Variants in CDH23 observed in about 807,000 individuals in gnomAD.
CDH23 encodes the protein cadherin related 23, also known as cadherin-23.
In CDH23, 189 loss-of-function variants were observed where a neutral mutation model predicts 317.1. The observed-to-expected ratio is 0.60, with a 90% confidence interval of 0.53 to 0.67. The LOEUF is 0.67. Ranked by LOEUF, CDH23 falls within the 30% of genes least tolerant of loss-of-function variation. The pLI, the probability that CDH23 is intolerant of heterozygous loss-of-function variation, is 0.00. For synonymous variants in CDH23, 1,839 were observed against 1,876.8 expected, an observed-to-expected ratio of 0.98 and a Z score of 0.52; for missense variants, 4,401 against 4,592.4, an observed-to-expected ratio of 0.96 and a Z score of 1.20.
At chr10:71,768,058 T>A (rs1021054498) in intron 38 of CDH23, among the ~76,000 whole-genome samples, 6 of 152,230 alleles carry the variant, frequency 3.9e-5, no homozygotes, top group Non-Finnish European at 5.9e-5. Context: ...ACCCTCACGC[T>A]TCTATGCTGT....
chr10:71,806,725 C>T (rs1589434533), intron 57 of CDH23, among the ~76,000 whole-genome samples: 2 of 152,052 alleles, frequency 1.3e-5, no homozygotes, highest in Non-Finnish European at 2.9e-5. Context: ...TACAGGCACC[C>T]GCCACCATGC....
intron 38 of CDH23, among the ~76,000 whole-genome samples, chr10:71,757,412 GC>G (rs1315554154): frequency 6.6e-6 from 1 of 152,230 alleles, no homozygotes; most frequent in Non-Finnish European, 1.5e-5. Context: ...TGAGGCTGGG[GC>G]AGAGGGGCGC....
chr10:71,553,263 C>A (rs1856697618), intron 6 of CDH23, among the ~76,000 whole-genome samples: 1 of 152,150 alleles, frequency 6.6e-6, no homozygotes, highest in Admixed American at 6.5e-5. Flanking sequence ...AGTGACTCTG[C>A]AACTGCCCTC....
chr10:71,549,242 A>G (rs1331791502), intron 6 of CDH23, among the ~76,000 whole-genome samples: 1 of 152,258 alleles, frequency 6.6e-6, no homozygotes, highest in Non-Finnish European at 1.5e-5. Context: ...CCATTAGTGG[A>G]CATTCAGGGC....
chr10:71,457,627 T>C (rs1850759934), intron 3 of CDH23, among the ~76,000 whole-genome samples: 1 of 152,178 alleles, frequency 6.6e-6, no homozygotes, highest in Non-Finnish European at 1.5e-5. Flanking sequence ...CCCAGCTCAA[T>C]CTGGGAGACC....
chr10:71,529,013 C>G (rs1179584334), intron 6 of CDH23, among the ~76,000 whole-genome samples: 1 of 152,188 alleles, frequency 6.6e-6, no homozygotes, highest in Non-Finnish European at 1.5e-5. Context: ...CTCTCTCTCT[C>G]TACTTTGAGT....
intron 30 of CDH23, among the ~76,000 whole-genome samples, chr10:71,725,896 C>T (rs1866787213): frequency 6.6e-6 from 1 of 152,152 alleles, no homozygotes; most frequent in Non-Finnish European, 1.5e-5. Context: ...AAAACTGAGG[C>T]ACAGAGAAGT....
chr10:71,526,675 A>C (rs1001818784), intron 6 of CDH23, among the ~76,000 whole-genome samples: 15 of 152,212 alleles, frequency 9.9e-5, no homozygotes, highest in Admixed American at 3.3e-4. Flanking sequence ...TCTAAACCCC[A>C]GGGGTACTGG....
intron 6 of CDH23, among the ~76,000 whole-genome samples, chr10:71,516,133 G>A (rs1227827677): frequency 6.6e-6 from 1 of 152,252 alleles, no homozygotes; most frequent in Non-Finnish European, 1.5e-5. Context: ...CAGTGGCTAA[G>A]TGGGTGTGTG....
intron 14 of CDH23, among the ~76,000 whole-genome samples, chr10:71,662,992 G>A (rs146888016): frequency 1.4e-3 from 214 of 152,296 alleles, no homozygotes; most frequent in African/African-American, 4.7e-3. Flanking sequence ...CTCTGCATGC[G>A]TCTTCTCTGT....
rs769166168 is a variant in CDH23 at position 71,705,139 on chromosome 10, G to A, written c.2953+9G>A. ...CACGCTCACCATCCATGGTGAGGGG[G>A]CGCAGGGGCTTCTGCTGTGTGCTCA... On this transcript the variant is annotated intron_variant, in intron 25 of 69. Coordinates refer to ENST00000224721, the MANE Select transcript of CDH23 (RefSeq NM_022124.6). The A allele has an allele frequency of 2.5e-6, 4 of 1,605,912 alleles. No individual in the cohort carries two copies. Among genetic ancestry groups the A allele is most frequent in the Non-Finnish European group, 3.4e-6 (4 of 1,176,192 alleles).
Position 71,815,258 on chromosome 10 carries a change from C to T in CDH23, c.10045C>T (p.Leu3349=), listed in dbSNP as rs751284044. The T allele has an allele frequency of 1.0e-5, 16 of 1,577,474 alleles. No homozygotes were observed. The highest frequency in any genetic ancestry group is 1.4e-5 in the Non-Finnish European group (16 of 1,157,404). The change falls in exon 70 of 70, where the codon CTG becomes TTG. Residue 3349 remains leucine (L), a synonymous_variant. Transcript: ENST00000224721. ...TCGCGACGTGATCATGGAGACCCCC[C>T]TGGAGATCACAGAGCTGTGACTAGA... ...KLRDVIMETP[L]EITEL
At chr10:71,513,920 T>C (rs1854131595) in intron 6 of CDH23, among the ~76,000 whole-genome samples, 1 of 152,022 alleles carries the variant, frequency 6.6e-6, no homozygotes, top group Admixed American at 6.6e-5. Flanking sequence ...ATCTCAGCCA[T>C]CTAGGGCCCT....
Position 71,682,468 on chromosome 10 carries a change from G to T in CDH23, c.1882G>T (p.Asp628Tyr). The T allele has an allele frequency of 6.2e-7, 1 of 1,612,434 alleles. No individual in the cohort carries two copies. The highest frequency in any genetic ancestry group is 1.1e-5 in the South Asian group (1 of 90,552). The change falls in exon 18 of 70, where the codon GAT becomes TAT. Residue 628 changes from aspartate to tyrosine, a missense_variant. By Grantham distance (160) the Asp-to-Tyr change is radical. Coordinates refer to ENST00000224721, the MANE Select transcript of CDH23 (RefSeq NM_022124.6). The part of the protein sequence containing the change: ...YGVISVSRPL[D>Y]YEQISNGLIY... The stretch of plus-strand genomic sequence containing the variant: ...AGTGATCAGCGTCAGTCGCCCCCTG[G>T]ATTATGAACAGATATCCAATGGGCT...
At chr10:71,724,495 G>T (rs1439542058) in intron 29 of CDH23, among the ~76,000 whole-genome samples, 4 of 152,184 alleles carry the variant, frequency 2.6e-5, no homozygotes, top group African/African-American at 7.2e-5. Context: ...GTAGAGACAG[G>T]GTTTCACCGT....
At position 71,601,307 on chromosome 10, in the gene CDH23, A is replaced by C. The variant is rs1860202071; in HGVS notation, c.833-14197A>C. Among the ~76,000 whole-genome samples the C allele has an allele frequency of 2.0e-5, 3 of 152,254 alleles. No individual in the cohort carries two copies. In the South Asian group the frequency reaches 6.2e-4, roughly 32 times the overall value. ...TTTCACCTCTATCCTCAGTTTACTAATCAATGAGGTCTAACATTTGTTGAG... is the reference window on the plus strand; with the variant it reads ...TTTCACCTCTATCCTCAGTTTACTACTCAATGAGGTCTAACATTTGTTGAG... On this transcript the variant is annotated intron_variant, in intron 9 of 69. Transcript: ENST00000224721.
intron 11 of CDH23, among the ~76,000 whole-genome samples, chr10:71,625,396 TAAAAA>T (rs1156772192): frequency 1.6e-3 from 32 of 19,836 alleles, no homozygotes; most frequent in East Asian, 5.0e-3. Context: ...CCAAATAAAT[TAAAAA>T]AAAAAAAAAA....
chr10:71,616,528 C>G (rs978076024), intron 10 of CDH23, among the ~76,000 whole-genome samples: 1 of 152,372 alleles, frequency 6.6e-6, no homozygotes, highest in African/African-American at 2.4e-5. Context: ...GGGACTTGAA[C>G]TCAGTTTTTC....
chr10:71,480,230 T>C (rs61855360), intron 3 of CDH23, among the ~76,000 whole-genome samples: 27,314 of 152,036 alleles, frequency 0.18, 2,858 homozygotes, highest in Middle Eastern at 0.21. Context: ...TCTCAGGGAG[T>C]GGGTGGCCGG....
Sources: allele counts gnomAD v4.1 joint callset (sites outside exome capture counted in the v4.1 genomes callset), GRCh38; gene constraint gnomAD v4.1.1; transcripts MANE v1.5; gene names NCBI Gene and HGNC (gene_info 2026-07-23, HGNC 2026-07-21).